ST7: variants seen among roughly 807,000 people sequenced by gnomAD.
The protein encoded by ST7 is suppression of tumorigenicity 7, also known as suppressor of tumorigenicity 7 protein.
In ST7, 28 loss-of-function variants were observed where a neutral mutation model predicts 78.7. The ratio of observed to expected loss-of-function variants is 0.36; its 90% CI spans 0.26 to 0.49. The LOEUF (loss-of-function observed/expected upper bound fraction) is 0.49. ST7 is among the 20% of genes least tolerant of loss of function. The pLI is 0.99. For synonymous variants in ST7, 247 were observed against 249.6 expected (o/e 0.99, Z 0.10); for missense variants, 418 against 696.0 (o/e 0.60, Z 4.49).
chr7:116,988,074 G>A (rs141334335), intron 1 of ST7, among the ~76,000 whole-genome samples: 1 of 152,294 alleles, frequency 6.6e-6, no homozygotes, highest in Non-Finnish European at 1.5e-5. Flanking sequence ...CTAATATAAT[G>A]AATCATTTTT....
intron 9 of ST7, among the ~76,000 whole-genome samples, chr7:117,149,182 C>T (rs1311114344): frequency 6.6e-6 from 1 of 152,122 alleles, no homozygotes; most frequent in Non-Finnish European, 1.5e-5. Context: ...ACTCAAGAAT[C>T]CTCAGGTACA....
rs567383186 is a variant in ST7 at position 117,109,205 on chromosome 7, C to T, written c.234+9361C>T. The stretch of plus-strand genomic sequence containing the variant: ...AGGGTAAATGCTTTCAACTTTTCCT[C>T]GTTCAGTATAATGTTGGCTGGGGGT... On this transcript the variant is annotated intron_variant, in intron 2 of 15. Transcript: ENST00000323984. Among the ~76,000 whole-genome samples the T allele has an allele frequency of 1.2e-3, 177 of 152,242 alleles. 2 individuals are homozygous for T. Among genetic ancestry groups the T allele is most frequent in the South Asian group, 2.1e-3 (10 of 4,820 alleles).
chr7:117,150,001 C>T (rs1806126237), intron 9 of ST7, among the ~76,000 whole-genome samples: 1 of 152,160 alleles, frequency 6.6e-6, no homozygotes, highest in African/African-American at 2.4e-5. Context: ...GTGGACTATA[C>T]ACCTGACTGC....
At position 117,230,101 on chromosome 7, in the gene ST7, C is replaced by A. The variant is rs1172106698; in HGVS notation, c.*244C>A. Reference sequence around the variant, plus strand: ...AAAATAAAACTTTTGTGTATTACAGCAATCATTTGTATCCTCCTGTGTCTT... The same window carrying A: ...AAAATAAAACTTTTGTGTATTACAGAAATCATTTGTATCCTCCTGTGTCTT... On this transcript the variant is annotated 3_prime_UTR_variant, in exon 16 of 16. Transcript: ENST00000323984. 1 of 666,614 alleles carries A rather than the reference C, an allele frequency of 1.5e-6. No homozygotes were observed. Among genetic ancestry groups the A allele is most frequent in the Non-Finnish European group, 2.8e-6 (1 of 358,430 alleles). The allele number at this position is 666,614 out of a possible 1,614,324, so 41.3% of individuals were successfully genotyped here. A position where few individuals can be genotyped will look rare whatever the true frequency, so the allele number is the denominator to read the frequency against.
At chr7:117,014,295 A>G (rs549379021) in intron 1 of ST7, among the ~76,000 whole-genome samples, 1 of 61,864 alleles carries the variant, frequency 1.6e-5, no homozygotes, top group South Asian at 5.9e-4. Flanking sequence ...AAGATTGGCA[A>G]TGGAGGAAAA....
chr7:117,012,687 C>T (rs1023203677), intron 1 of ST7, among the ~76,000 whole-genome samples: 1 of 151,984 alleles, frequency 6.6e-6, no homozygotes, highest in Admixed American at 6.6e-5. Flanking sequence ...GGTTTAAAAA[C>T]TTGCTTAATT....
chr7:117,140,102 C>A (rs1280076943), intron 9 of ST7, among the ~76,000 whole-genome samples: 1 of 152,184 alleles, frequency 6.6e-6, no homozygotes, highest in East Asian at 1.9e-4. Flanking sequence ...ATTTTAATTT[C>A]AGGTTTTTTC....
chr7:117,119,778 G>A, intron 3 of ST7, 58 bp downstream of exon 3: 2 of 1,553,830 alleles, frequency 1.3e-6, no homozygotes, highest in Non-Finnish European at 8.8e-7. Context: ...AATTATTATT[G>A]TTACTCATAC....
At chr7:117,108,841 A>AT (rs1329454472) in intron 2 of ST7, among the ~76,000 whole-genome samples, 1 of 151,260 alleles carries the variant, frequency 6.6e-6, no homozygotes, top group East Asian at 1.9e-4. Context: ...GTATTTTTTT[A>AT]TTTTTTTATT....
intron 8 of ST7, 46 bp from the exon 9 acceptor site, chr7:117,138,389 A>AT (rs753380207): frequency 0.024 from 26,501 of 1,104,368 alleles, no homozygotes; most frequent in Non-Finnish European, 0.026. Context: ...GGGCCTCTGT[A>AT]TTTTTTTTTT....
intron 9 of ST7, among the ~76,000 whole-genome samples, chr7:117,144,866 T>C (rs1805625588): frequency 6.6e-6 from 1 of 152,096 alleles, no homozygotes; most frequent in South Asian, 2.1e-4. Context: ...AAATAAAGAT[T>C]GAGACCACTT....
At chr7:117,168,045 T>C (rs2117251985) in intron 9 of ST7, among the ~76,000 whole-genome samples, 1 of 152,316 alleles carries the variant, frequency 6.6e-6, no homozygotes, top group South Asian at 2.1e-4. Context: ...GAGGGTTCAC[T>C]TTTTGTTCTG....
chr7:117,119,841 G>C, intron 3 of ST7, 121 bp downstream of exon 3: 2 of 1,205,078 alleles, frequency 1.7e-6, no homozygotes, highest in Non-Finnish European at 2.3e-6. Flanking sequence ...GAAAAATGCA[G>C]ATCATTTTCC....
At chr7:117,119,438 AAC>A (rs1234973957) in intron 2 of ST7, 121 bp from the exon 3 acceptor site, 1 of 964,042 alleles carries the variant, frequency 1.0e-6, no homozygotes, top group East Asian at 2.9e-5. Flanking sequence ...TTTTAGAATA[AAC>A]AGTTTTTGAA....
intron 1 of ST7, among the ~76,000 whole-genome samples, chr7:117,071,052 T>C (rs551208719): frequency 6.6e-6 from 1 of 151,988 alleles, no homozygotes; most frequent in African/African-American, 2.4e-5. Context: ...ACGCCCTCTC[T>C]ACTAAAAACA....
intron 2 of ST7, among the ~76,000 whole-genome samples, chr7:117,106,599 A>G (rs1024207078): frequency 2.7e-5 from 4 of 150,544 alleles, no homozygotes; most frequent in African/African-American, 9.8e-5. Flanking sequence ...TGAGTCTTCA[A>G]AGTTCATTGT....
intron 9 of ST7, among the ~76,000 whole-genome samples, chr7:117,155,000 C>A (rs888908578): frequency 6.6e-6 from 1 of 152,020 alleles, no homozygotes; most frequent in African/African-American, 2.4e-5. Flanking sequence ...CAGACAACAT[C>A]CCTACCAGCA....
At chr7:117,113,067 A>G (rs1394698871) in intron 2 of ST7, among the ~76,000 whole-genome samples, 1 of 152,230 alleles carries the variant, frequency 6.6e-6, no homozygotes, top group Non-Finnish European at 1.5e-5. Flanking sequence ...GGATAAAGGG[A>G]CAAAACTGCC....
At chr7:116,973,016 G>T in intron 1 of ST7, 1 of 695,328 alleles carries the variant, frequency 1.4e-6, no homozygotes. Flanking sequence ...CCATTCATTT[G>T]TTTATAGCAG....
Sources: allele counts gnomAD v4.1 joint callset (sites outside exome capture counted in the v4.1 genomes callset), GRCh38; gene constraint gnomAD v4.1.1; transcripts MANE v1.5; gene names NCBI Gene and HGNC (gene_info 2026-07-23, HGNC 2026-07-21).